EIF5A: variants seen among roughly 807,000 people sequenced by gnomAD.
EIF5A encodes eukaryotic translation initiation factor 5A-1.
In EIF5A, 1 loss-of-function variant was observed where a neutral mutation model predicts 16.6. The ratio of observed to expected loss-of-function variants is 0.06; its 90% CI spans 0.02 to 0.28. The LOEUF (loss-of-function observed/expected upper bound fraction) is 0.28, where lower values mean the gene tolerates loss of function less well. Among genes scored for constraint, EIF5A ranks in the 10% least tolerant of loss-of-function variants. The pLI, the probability that EIF5A is intolerant of heterozygous loss-of-function variation, is 1.00. For synonymous variants in EIF5A, 80 were observed against 73.6 expected (o/e 1.09, Z -0.44); for missense variants, 29 against 196.1 (o/e 0.15, Z 5.09).
chr17:7,307,413 C>T, upstream of EIF5A: 3 of 1,134,618 alleles, frequency 2.6e-6, no homozygotes, highest in South Asian at 7.2e-5. Flanking sequence ...AAACCGGGTG[C>T]GCCTGCGCGT....
chr17:7,308,145 T>C (rs2072684308), intron 1 of EIF5A: 1 of 135,302 alleles, frequency 7.4e-6, no homozygotes, highest in African/African-American at 1.1e-4. Context: ...TGAGAGGGCA[T>C]GATGGGGGGG....
chr17:7,312,442 A>G lies in EIF5A; in HGVS notation c.*632A>G. On this transcript the variant is annotated 3_prime_UTR_variant, in exon 6 of 6. Coordinates refer to ENST00000336458, the MANE Select transcript of EIF5A (RefSeq NM_001970.5). ...TAAAATCAAACCTGAATAAAACTAC[A>G]AGTTTAATATGAAGCCCCCAACTCA... 1.0e-5 allele frequency: 3 copies of G among 300,234 alleles called. No individual in the cohort carries two copies. In the South Asian group the frequency reaches 1.2e-4, roughly 12 times the overall value. 18.6% of individuals were successfully genotyped at this position (300,234 alleles called of 1,614,324 possible).
rs776347188 is a variant in EIF5A at position 7,308,580 on chromosome 17, G to C, written c.-22+828G>C. 3.0e-6 allele frequency: 4 copies of C among 1,349,850 alleles called. No individual in the cohort carries two copies. The African/African-American group carries it at 5.9e-5, about 20-fold the overall frequency. 83.6% of individuals were successfully genotyped at this position (1,349,850 alleles called of 1,614,324 possible). On this transcript the variant is annotated intron_variant, in intron 1 of 5. Transcript: ENST00000336458. ...AAGTGTGGCGGTCAGCCAGGTGTAA[G>C]TGGCACCCCTTCGAGCTGGGAGGCC...
At chr17:7,311,215 A>G (rs1417546416) in intron 3 of EIF5A, 93 bp downstream of exon 3, 38 of 1,578,340 alleles carry the variant, frequency 2.4e-5, no homozygotes, top group Non-Finnish European at 2.9e-5. Flanking sequence ...TTGTGCTGGG[A>G]GAGAGGAGGG....
chr17:7,311,104 C>A lies in EIF5A; in HGVS notation c.252C>A (p.Ile84=). ...PSTHNMDVPN[I]KRNDFQLIGI... is the part of the protein sequence containing the mutation. ...CTCATAATATGGATGTCCCCAACATCAAAAGGAATGACTTCCAGGTATGTA... is the reference window on the plus strand; with the variant it reads ...CTCATAATATGGATGTCCCCAACATAAAAAGGAATGACTTCCAGGTATGTA... Residue 84 remains isoleucine, a synonymous_variant, in exon 3 of 6, where the codon ATC becomes ATA. Transcript: ENST00000336458. The A allele has an allele frequency of 6.2e-7, 1 of 1,613,682 alleles. No homozygotes were observed. The highest frequency in any genetic ancestry group is 1.1e-5 in the South Asian group (1 of 91,028).
intron 2 of EIF5A, chr17:7,310,025 G>A (rs1366464291): frequency 4.6e-6 from 7 of 1,509,836 alleles, no homozygotes; most frequent in Non-Finnish European, 6.2e-6. Context: ...TTCTCTGGCA[G>A]TCCCTCCGTT....
chr17:7,309,166 C>T (rs1183964358), intron 1 of EIF5A, among the ~76,000 whole-genome samples: 1 of 151,146 alleles, frequency 6.6e-6, no homozygotes. Context: ...GGGGCCTTGT[C>T]CTCCGGTCTC....
chr17:7,308,770 G>C (rs2143008347), intron 1 of EIF5A, among the ~76,000 whole-genome samples: 1 of 152,148 alleles, frequency 6.6e-6, no homozygotes, highest in East Asian at 1.9e-4. Context: ...CCACGGTTTC[G>C]AAGTCCTTAA....
chr17:7,310,377 A>T, intron 2 of EIF5A: 1 of 1,199,582 alleles, frequency 8.3e-7, no homozygotes, highest in Non-Finnish European at 1.1e-6. Context: ...CATTCTTGCT[A>T]GCACTTCCCT....
chr17:7,310,538 C>G, intron 2 of EIF5A: 1 of 1,100,930 alleles, frequency 9.1e-7, no homozygotes, highest in Non-Finnish European at 1.1e-6. Flanking sequence ...CCTCTCTGTG[C>G]TCTTCTGGCT....
Position 7,311,012 on chromosome 17 carries a change from A to G in EIF5A, c.166-6A>G, listed in dbSNP as rs778063390. The G allele has an allele frequency of 1.2e-6, 2 of 1,612,344 alleles. No homozygotes were observed. The highest frequency in any genetic ancestry group is 1.7e-5 in the Admixed American group (1 of 59,822). On this transcript the variant is annotated splice_region_variant and splice_polypyrimidine_tract_variant and intron_variant, in intron 2 of 5. Coordinates refer to ENST00000336458, the MANE Select transcript of EIF5A (RefSeq NM_001970.5). The stretch of plus-strand genomic sequence containing the variant: ...TTGGGTTTCTCTTTGTGATGCATAC[A>G]TACAGGTCCATCTGGTTGGTATTGA...
intron 2 of EIF5A, 111 bp downstream of exon 2, chr17:7,309,911 CTGAT>C (rs780450907): frequency 9.3e-6 from 15 of 1,606,990 alleles, no homozygotes; most frequent in South Asian, 4.5e-5. Context: ...CTTTTACTGT[CTGAT>C]TGTTTTTGTT....
At chr17:7,308,435 T>G in intron 1 of EIF5A, 1 of 1,323,800 alleles carries the variant, frequency 7.6e-7, no homozygotes. Context: ...GGGCCTGAGA[T>G]TTTGAGGAGT....
intron 2 of EIF5A, 85 bp from the exon 3 acceptor site, chr17:7,310,933 C>A (rs192277946): frequency 2.0e-6 from 3 of 1,495,164 alleles, no homozygotes; most frequent in African/African-American, 2.8e-5. Context: ...ATTCTGACTT[C>A]CCTCATCAGG....
Position 7,307,666 on chromosome 17 carries a change from AGGCGGCGGC to A in EIF5A, c.-98_-90del, listed in dbSNP as rs375376801. The A allele has an allele frequency of 1.4e-5, 15 of 1,049,278 alleles. No individual in the cohort carries two copies. The highest frequency in any genetic ancestry group is 1.5e-5 in the Non-Finnish European group (13 of 871,848). The allele number at this position is 1,049,278 out of a possible 1,614,324, so 65.0% of individuals were successfully genotyped here. ...TGTGCAGCAGCGGCGGCGGCGGTAG[AGGCGGCGGC>A]GGCGGCGGCAGCGGGCTCGGAGGCA... On this transcript the variant is annotated 5_prime_UTR_variant, in exon 1 of 6. Coordinates refer to ENST00000336458, the MANE Select transcript of EIF5A (RefSeq NM_001970.5).
intron 1 of EIF5A, chr17:7,308,671 G>C: frequency 9.1e-7 from 1 of 1,103,262 alleles, no homozygotes; most frequent in South Asian, 1.3e-5. Flanking sequence ...GGTGGACAGC[G>C]CCTAAAAGCC....
chr17:7,311,321 C>T (rs775892668), intron 3 of EIF5A, 29 bp from the exon 4 acceptor site: 9 of 1,613,650 alleles, frequency 5.6e-6, no homozygotes, highest in African/African-American at 5.3e-5. Flanking sequence ...GGCCTACTAC[C>T]TTCAGCCTCC....
Position 7,307,743 on chromosome 17 carries a change from T to C in EIF5A, c.-31T>C. The C allele has an allele frequency of 2.0e-6, 2 of 1,013,116 alleles. No homozygotes were observed. Among genetic ancestry groups the C allele is most frequent in the Non-Finnish European group, 2.4e-6 (2 of 847,628 alleles). The allele number at this position is 1,013,116 out of a possible 1,614,324, so 62.8% of individuals were successfully genotyped here. ...GAGCGGACGGGGTCGAGTCAGTGCG[T>C]TCGCGCGAGGTGAGAGCGGGCAGGG... On this transcript the variant is annotated 5_prime_UTR_variant, in exon 1 of 6. Transcript: ENST00000336458.
intron 1 of EIF5A, among the ~76,000 whole-genome samples, chr17:7,309,282 G>T (rs1298415989): frequency 6.6e-6 from 1 of 151,952 alleles, no homozygotes; most frequent in African/African-American, 2.4e-5. Context: ...GGTTTCAGTG[G>T]CAAGTAACAC....
Sources: allele counts gnomAD v4.1 joint callset (sites outside exome capture counted in the v4.1 genomes callset), GRCh38; gene constraint gnomAD v4.1.1; transcripts MANE v1.5; gene names NCBI Gene and HGNC (gene_info 2026-07-23, HGNC 2026-07-21).